CSRNP3: variants seen among roughly 807,000 people sequenced by gnomAD.
CSRNP3 encodes the protein cysteine/serine-rich nuclear protein 3.
CSRNP3 carries 12 observed loss-of-function variants against 48.0 expected under a neutral mutation model. The observed-to-expected ratio is 0.25, with a 90% CI of 0.16 to 0.41. CSRNP3 has a LOEUF of 0.41. CSRNP3 is among the 10% of genes least tolerant of loss of function. The pLI is 1.00. For missense variants in CSRNP3, 580 were observed against 724.4 expected, an observed-to-expected ratio of 0.80 and a Z score of 2.29; for synonymous variants, 263 against 269.7, an observed-to-expected ratio of 0.98 and a Z score of 0.24.
intron 3 of CSRNP3, among the ~76,000 whole-genome samples, chr2:165,562,122 G>A (rs1032354151): frequency 1.4e-4 from 21 of 152,064 alleles, no homozygotes; most frequent in East Asian, 1.9e-4. Flanking sequence ...AGAAAAGCCC[G>A]AACACCCCCT....
At chr2:165,662,348 G>A (rs1029407708) in intron 5 of CSRNP3, among the ~76,000 whole-genome samples, 2 of 151,952 alleles carry the variant, frequency 1.3e-5, no homozygotes, top group Non-Finnish European at 2.9e-5. Flanking sequence ...GTCTTTTTTT[G>A]TTAGTGGTGC....
intron 4 of CSRNP3, among the ~76,000 whole-genome samples, chr2:165,624,184 A>T (rs1686389665): frequency 6.6e-6 from 1 of 152,066 alleles, no homozygotes; most frequent in Non-Finnish European, 1.5e-5. Flanking sequence ...TATAATTTGG[A>T]CTTTTTAATA....
intron 4 of CSRNP3, among the ~76,000 whole-genome samples, chr2:165,652,932 A>G (rs939956740): frequency 6.6e-6 from 1 of 152,156 alleles, no homozygotes; most frequent in Non-Finnish European, 1.5e-5. Context: ...TAGTAAAGCC[A>G]ATACTGAACT....
chr2:165,507,523 A>G (rs1031102905), intron 2 of CSRNP3, among the ~76,000 whole-genome samples: 6 of 152,144 alleles, frequency 3.9e-5, no homozygotes, highest in Non-Finnish European at 7.4e-5. Flanking sequence ...AAAGGCATCT[A>G]TTGTGATGCC....
At chr2:165,582,412 A>G (rs894577585) in intron 3 of CSRNP3, among the ~76,000 whole-genome samples, 1 of 152,204 alleles carries the variant, frequency 6.6e-6, no homozygotes, top group Non-Finnish European at 1.5e-5. Context: ...TCCTCAAGCC[A>G]CAAAGTTGCA....
intron 3 of CSRNP3, among the ~76,000 whole-genome samples, chr2:165,575,640 T>G (rs1166402814): frequency 6.6e-6 from 1 of 152,046 alleles, no homozygotes; most frequent in Non-Finnish European, 1.5e-5. Context: ...ATGATTAAGA[T>G]GAGGTATTTT....
chr2:165,577,585 A>T (rs922514588), intron 3 of CSRNP3, among the ~76,000 whole-genome samples: 1 of 151,830 alleles, frequency 6.6e-6, no homozygotes, highest in African/African-American at 2.4e-5. Context: ...TGACATAATA[A>T]TTATTAGTCC....
At chr2:165,592,802 A>ATT (rs34523205) in intron 3 of CSRNP3, among the ~76,000 whole-genome samples, 5 of 139,854 alleles carry the variant, frequency 3.6e-5, no homozygotes, top group African/African-American at 1.3e-4. Context: ...ACCTCTTTTC[A>ATT]TTTTTTTTTT....
At chr2:165,492,918 T>C (rs909195464) in intron 1 of CSRNP3, among the ~76,000 whole-genome samples, 1 of 136,322 alleles carries the variant, frequency 7.3e-6, no homozygotes, top group African/African-American at 2.9e-5. Context: ...GACCAAAGGA[T>C]GATACTCAAA....
intron 4 of CSRNP3, among the ~76,000 whole-genome samples, chr2:165,608,635 A>G (rs1413433059): frequency 6.6e-6 from 1 of 152,200 alleles, no homozygotes. Flanking sequence ...GCATATAAAC[A>G]GTATATTTTA....
intron 2 of CSRNP3, among the ~76,000 whole-genome samples, chr2:165,515,267 T>G (rs1477663434): frequency 2.0e-5 from 3 of 149,520 alleles, no homozygotes; most frequent in Non-Finnish European, 4.4e-5. Flanking sequence ...GAGGTTGCAG[T>G]GAGCCAGTTG....
intron 4 of CSRNP3, among the ~76,000 whole-genome samples, chr2:165,610,520 C>G (rs762480797): frequency 1.3e-5 from 2 of 152,148 alleles, no homozygotes; most frequent in Non-Finnish European, 2.9e-5. Context: ...GGCTAATAGT[C>G]AGAACTTTGG....
intron 3 of CSRNP3, among the ~76,000 whole-genome samples, chr2:165,584,960 A>T (rs1685603867): frequency 1.3e-5 from 2 of 152,242 alleles, no homozygotes; most frequent in African/African-American, 4.8e-5. Context: ...GCCGCATTCA[A>T]AGCTGTCCTG....
chr2:165,533,858 TC>T (rs1236781620), intron 3 of CSRNP3, among the ~76,000 whole-genome samples: 1 of 152,032 alleles, frequency 6.6e-6, no homozygotes, highest in Non-Finnish European at 1.5e-5. Flanking sequence ...TTGAAGGCTT[TC>T]TAGCAAGTTG....
chr2:165,597,673 G>GA (rs1685835380), intron 4 of CSRNP3, among the ~76,000 whole-genome samples: 3 of 151,816 alleles, frequency 2.0e-5, no homozygotes, highest in South Asian at 4.2e-4. Context: ...GTTTATATTG[G>GA]AAAAAATATT....
intron 1 of CSRNP3, among the ~76,000 whole-genome samples, chr2:165,471,981 TTTC>T (rs1319486731): frequency 6.6e-6 from 1 of 152,096 alleles, no homozygotes; most frequent in Non-Finnish European, 1.5e-5. Context: ...ACCATTTTTT[TTTC>T]CTTTGGTACA....
At chr2:165,513,718 G>A (rs1400880646) in intron 2 of CSRNP3, among the ~76,000 whole-genome samples, 1 of 152,172 alleles carries the variant, frequency 6.6e-6, no homozygotes, top group African/African-American at 2.4e-5. Context: ...ACCTACTGAA[G>A]ATACCCTTTT....
chr2:165,504,379 A>T (rs1684397246), intron 2 of CSRNP3, among the ~76,000 whole-genome samples: 1 of 152,058 alleles, frequency 6.6e-6, no homozygotes, highest in African/African-American at 2.4e-5. Context: ...GTGAAAGATA[A>T]GGAAACTGAG....
At chr2:165,642,091 T>TACACACACACAAACACAC (rs1553482329) in intron 4 of CSRNP3, among the ~76,000 whole-genome samples, 1,435 of 131,068 alleles carry the variant, frequency 0.011, 17 homozygotes, top group South Asian at 0.016. Context: ...TACCTGAGAA[T>TACACACACACAAACACAC]ACACACACAC....
Sources: allele counts gnomAD v4.1 joint callset (sites outside exome capture counted in the v4.1 genomes callset), GRCh38; gene constraint gnomAD v4.1.1; transcripts MANE v1.5; gene names NCBI Gene and HGNC (gene_info 2026-07-23, HGNC 2026-07-21).